The following CERS6 variants were observed in gnomAD, a reference collection of about 807,000 sequenced individuals.
CERS6 encodes ceramide synthase 6, also known as LAG1 homolog, ceramide synthase 6.
In CERS6, 26 loss-of-function variants were observed where a neutral mutation model predicts 56.8. That is an observed-to-expected ratio of 0.46 (90% CI 0.34 to 0.63). The LOEUF (loss-of-function observed/expected upper bound fraction) is 0.63. Among genes scored for constraint, CERS6 ranks in the 30% least tolerant of loss-of-function variants. CERS6 has a pLI of 0.01. For synonymous variants in CERS6, 164 were observed against 173.3 expected, an observed-to-expected ratio of 0.95 and a Z score of 0.42; for missense variants, 415 against 467.5, an observed-to-expected ratio of 0.89 and a Z score of 1.04.
intron 4 of CERS6, among the ~76,000 whole-genome samples, chr2:168,654,543 C>CA (rs1284057639): frequency 2.6e-5 from 4 of 151,500 alleles, no homozygotes; most frequent in African/African-American, 7.3e-5. Context: ...AACTCTGTCT[C>CA]AAAAAAACAA....
At chr2:168,703,111 A>T (rs1041775242) in intron 6 of CERS6, among the ~76,000 whole-genome samples, 7 of 152,222 alleles carry the variant, frequency 4.6e-5, no homozygotes, top group Admixed American at 6.5e-5. Context: ...AAATATTTTT[A>T]AAAATTTCTC....
chr2:168,682,595 G>A (rs554031089), intron 4 of CERS6, among the ~76,000 whole-genome samples: 7 of 152,098 alleles, frequency 4.6e-5, no homozygotes, highest in Non-Finnish European at 1.0e-4. Context: ...CCATATTTCT[G>A]CTCTTTCTCC....
chr2:168,547,750 C>T (rs1416103722), intron 2 of CERS6, 49 bp downstream of exon 2: 8 of 1,257,790 alleles, frequency 6.4e-6, no homozygotes, highest in Non-Finnish European at 9.3e-6. Context: ...TCACCATTCT[C>T]AGCCTGCTGT....
At chr2:168,543,026 A>G (rs1695401850) in intron 1 of CERS6, among the ~76,000 whole-genome samples, 1 of 152,170 alleles carries the variant, frequency 6.6e-6, no homozygotes, top group Non-Finnish European at 1.5e-5. Context: ...ATCTCTCACC[A>G]CACTACTGCC....
chr2:168,485,959 C>A (rs924137905), intron 1 of CERS6, among the ~76,000 whole-genome samples: 4 of 152,126 alleles, frequency 2.6e-5, no homozygotes, highest in Admixed American at 2.0e-4. Flanking sequence ...ACTGGTTGTA[C>A]CATTTTGTAT....
intron 1 of CERS6, among the ~76,000 whole-genome samples, chr2:168,463,538 C>T (rs1393606629): frequency 1.3e-5 from 2 of 152,066 alleles, no homozygotes; most frequent in Non-Finnish European, 2.9e-5. Flanking sequence ...TTGATGGATA[C>T]AAATTGCCAA....
chr2:168,474,332 G>GT (rs1372364401), intron 1 of CERS6, among the ~76,000 whole-genome samples: 2 of 152,130 alleles, frequency 1.3e-5, no homozygotes, highest in Non-Finnish European at 2.9e-5. Flanking sequence ...GCATTTAGGT[G>GT]TTTTTCCCTA....
intron 4 of CERS6, among the ~76,000 whole-genome samples, chr2:168,657,136 C>T (rs946244255): frequency 7.9e-5 from 12 of 152,128 alleles, no homozygotes; most frequent in Admixed American, 3.3e-4. Context: ...GATACCTCAC[C>T]GATTGGTGCA....
chr2:168,765,680 C>A lies in CERS6; in HGVS notation c.934C>A (p.Gln312Lys). 1 of 1,614,062 alleles carries A rather than the reference C, an allele frequency of 6.2e-7. No homozygotes were observed. The highest frequency in any genetic ancestry group is 8.5e-7 in the Non-Finnish European group (1 of 1,179,938). ...WVFNLLLLLV[Q>K]GLNCFWSYLI... ...TTTTAACCTACTGCTATTGCTAGTA[C>A]AAGGGTTGAACTGCTTCTGGTCTTA... Residue 312 changes from glutamine to lysine, a missense_variant, in exon 9 of 10, where the codon CAA (glutamine) becomes AAA (lysine). Coordinates refer to ENST00000305747, the MANE Select transcript of CERS6 (RefSeq NM_203463.3).
chr2:168,641,150 A>C (rs1685029757), intron 4 of CERS6, among the ~76,000 whole-genome samples: 1 of 152,146 alleles, frequency 6.6e-6, no homozygotes, highest in Non-Finnish European at 1.5e-5. Context: ...TTCACAGACG[A>C]CATGATTGCT....
At chr2:168,712,329 A>C (rs1302567288) in intron 6 of CERS6, among the ~76,000 whole-genome samples, 1 of 152,224 alleles carries the variant, frequency 6.6e-6, no homozygotes, top group Non-Finnish European at 1.5e-5. Flanking sequence ...TTCTCAGAAC[A>C]AACAGGAATA....
At chr2:168,738,891 T>G (rs935471989) in intron 8 of CERS6, among the ~76,000 whole-genome samples, 5 of 151,736 alleles carry the variant, frequency 3.3e-5, no homozygotes, top group Middle Eastern at 3.2e-3. Context: ...TTGTTTGTTT[T>G]GGGGGGTTTT....
At chr2:168,569,016 A>G (rs563860762) in intron 3 of CERS6, among the ~76,000 whole-genome samples, 3 of 152,330 alleles carry the variant, frequency 2.0e-5, no homozygotes, top group Admixed American at 6.5e-5. Context: ...CTTGAAATGG[A>G]CCTAACATTT....
chr2:168,686,216 T>C lies in CERS6; in HGVS notation c.466-4818T>C, dbSNP rs78285770. Reference sequence around the variant, plus strand: ...GAGAGCAACCTTCTCACTGCGGTCTTCACTTGGTCTTCCCTCTGAGCACGC... The same window carrying C: ...GAGAGCAACCTTCTCACTGCGGTCTCCACTTGGTCTTCCCTCTGAGCACGC... On this transcript the variant is annotated intron_variant, in intron 4 of 9. Coordinates refer to ENST00000305747, the MANE Select transcript of CERS6 (RefSeq NM_203463.3). Among the ~76,000 whole-genome samples the C allele has an allele frequency of 4.3e-4, 65 of 150,714 alleles. 1 individual carries two copies. Among genetic ancestry groups the C allele is most frequent in the African/African-American group, 1.4e-3 (56 of 40,908 alleles).
rs139480994 is a variant in CERS6 at position 168,674,071 on chromosome 2, G to A, written c.466-16963G>A. Among the ~76,000 whole-genome samples the A allele has an allele frequency of 3.3e-5, 5 of 152,234 alleles. No homozygotes were observed. The East Asian group carries it at 9.7e-4, about 29-fold the overall frequency. ...ACCTGTTACGTATGGGTTTTCAGAT[G>A]TAGTAACCAGGCATAATGACAAGAT... On this transcript the variant is annotated intron_variant, in intron 4 of 9. Coordinates refer to ENST00000305747, the MANE Select transcript of CERS6 (RefSeq NM_203463.3).
chr2:168,500,796 G>A (rs1196683690), intron 1 of CERS6, among the ~76,000 whole-genome samples: 2 of 152,234 alleles, frequency 1.3e-5, no homozygotes, highest in Non-Finnish European at 2.9e-5. Context: ...AGTGTCCTCA[G>A]AGAAAAGGGT....
chr2:168,469,628 A>T (rs775767331), intron 1 of CERS6, among the ~76,000 whole-genome samples: 14 of 152,184 alleles, frequency 9.2e-5, no homozygotes, highest in Admixed American at 7.2e-4. Flanking sequence ...TACACGCAGT[A>T]AGGTGATGTA....
At chr2:168,471,244 A>G (rs575450138) in intron 1 of CERS6, among the ~76,000 whole-genome samples, 215 of 152,140 alleles carry the variant, frequency 1.4e-3, no homozygotes, top group Non-Finnish European at 2.5e-3. Flanking sequence ...CTCATTGGGA[A>G]GGGGATCCCT....
At chr2:168,696,656 T>C (rs1686654740) in intron 6 of CERS6, among the ~76,000 whole-genome samples, 1 of 152,182 alleles carries the variant, frequency 6.6e-6, no homozygotes, top group Non-Finnish European at 1.5e-5. Context: ...AACAGCCCAC[T>C]TTCTCATAGA....
Sources: gnomAD v4.1 joint callset for allele counts (sites outside exome capture counted in the v4.1 genomes callset) on GRCh38, gnomAD v4.1.1 for gene constraint, MANE v1.5 for transcripts, NCBI Gene and HGNC (gene_info 2026-07-23, HGNC 2026-07-21) for gene names.